The following CLCN6 variants were observed in gnomAD, a reference collection of about 807,000 sequenced individuals.
CLCN6 encodes the protein Cl-/H+ antiporter 6.
In CLCN6, 70 loss-of-function variants were observed where a neutral mutation model predicts 109.8. The ratio of observed to expected loss-of-function variants is 0.64; its 90% CI spans 0.53 to 0.78. CLCN6 has a LOEUF of 0.78. CLCN6 is among the 30% of genes least tolerant of loss of function. The pLI is 0.00. For synonymous variants in CLCN6, 444 were observed against 447.8 expected, an observed-to-expected ratio of 0.99 and a Z score of 0.11; for missense variants, 984 against 1,142.3, an observed-to-expected ratio of 0.86 and a Z score of 2.00.
intron 22 of CLCN6, among the ~76,000 whole-genome samples, chr1:11,839,474 C>G (rs550419933): frequency 6.6e-6 from 1 of 152,216 alleles, no homozygotes; most frequent in African/African-American, 2.4e-5. Flanking sequence ...GTTGCCCAGG[C>G]TGGTCTTGAA....
intron 11 of CLCN6, 47 bp downstream of exon 11, chr1:11,828,266 A>G (rs750073103): frequency 1.5e-5 from 23 of 1,554,292 alleles, no homozygotes; most frequent in Non-Finnish European, 2.0e-5. Context: ...ACCCATGAAA[A>G]TTTCCTCTCA....
At chr1:11,809,712 C>G (rs1361876260) in intron 2 of CLCN6, among the ~76,000 whole-genome samples, 1 of 152,188 alleles carries the variant, frequency 6.6e-6, no homozygotes, top group African/African-American at 2.4e-5. Flanking sequence ...CCCACCTCAG[C>G]CTCCCAAAGT....
rs770186709 is a variant in CLCN6 at position 11,826,175 on chromosome 1, G to A, written c.668G>A (p.Arg223Gln). Residue 223 changes from arginine to glutamine, a missense_variant, in exon 9 of 23, where the codon CGG becomes CAG. By Grantham distance (43) the Arg-to-Gln change is conservative (BLOSUM62 1). Coordinates refer to ENST00000346436, the MANE Select transcript of CLCN6 (RefSeq NM_001286.5). Reference sequence around the variant, plus strand: ...CTTTAGTTTCAGAGCATCTCCTTACGGAAGATCCAGTTTAACTTCCCCTAT... The same window carrying A: ...CTTTAGTTTCAGAGCATCTCCTTACAGAAGATCCAGTTTAACTTCCCCTAT... ...GLPQFQSISL[R>Q]KIQFNFPYFR... 57 of 1,613,600 alleles carry A rather than the reference G, an allele frequency of 3.5e-5. 1 individual carries two copies. Among genetic ancestry groups the A allele is most frequent in the East Asian group, 3.1e-4 (14 of 44,882 alleles).
Position 11,837,163 on chromosome 1 carries a change from G to A in CLCN6, c.2138+7G>A, listed in dbSNP as rs142864983. On this transcript the variant is annotated splice_region_variant and intron_variant, in intron 19 of 22. Coordinates refer to ENST00000346436, the MANE Select transcript of CLCN6 (RefSeq NM_001286.5). ...AGCAGATGCTGGAAAGGAGGTGAGA[G>A]CCTGGCGGGGCCCCCACTGCCCGCA... 17,820 of 1,611,204 alleles carry A rather than the reference G, an allele frequency of 0.011. 139 individuals are homozygous for A. The highest frequency in any genetic ancestry group is 0.035 in the Admixed American group (2,107 of 59,808).
intron 8 of CLCN6, among the ~76,000 whole-genome samples, chr1:11,825,892 G>A (rs1570529709): frequency 6.6e-6 from 1 of 152,184 alleles, no homozygotes; most frequent in African/African-American, 2.4e-5. Context: ...TCCCAAAGTG[G>A]TGGGATTACA....
chr1:11,819,566 A>C lies in CLCN6; in HGVS notation c.346+12A>C, dbSNP rs1252876263. The C allele has an allele frequency of 1.9e-6, 3 of 1,613,542 alleles. No individual in the cohort carries two copies. In the Admixed American group the frequency reaches 5.0e-5, roughly 27 times the overall value. ...AGTGGTACAGACATGTATCCTTTTC[A>C]CGGTTCCTGGTGTTCGTGGACTTCA... On this transcript the variant is annotated intron_variant, in intron 5 of 22. Coordinates refer to ENST00000346436, the MANE Select transcript of CLCN6 (RefSeq NM_001286.5).
rs377577098 is a variant in CLCN6, at chr1:11,838,431, C to T, written c.2392C>T (p.Arg798Cys). 2.2e-5 allele frequency: 35 copies of T among 1,614,034 alleles called. No individual in the cohort carries two copies. The highest frequency in any genetic ancestry group is 2.3e-5 in the Non-Finnish European group (27 of 1,180,046). Residue 798 changes from arginine to cysteine, a missense_variant, in exon 21 of 23, where the codon CGC becomes TGC. Physicochemically the swap from Arg to Cys is radical, Grantham distance 180 (BLOSUM62 -3). Transcript: ENST00000346436. ...HDLDLTLLNP[R>C]MIVDVTPYMN... ...CCTGGACCTGACGCTGCTCAACCCGCGCATGATCGTGGTGAGAAGGGCTGC... is the reference window on the plus strand; with the variant it reads ...CCTGGACCTGACGCTGCTCAACCCGTGCATGATCGTGGTGAGAAGGGCTGC...
intron 10 of CLCN6, 125 bp downstream of exon 10, chr1:11,827,346 C>G (rs1448153135): frequency 6.2e-6 from 6 of 971,154 alleles, no homozygotes; most frequent in Non-Finnish European, 8.8e-6. Flanking sequence ...AAACAGCTTT[C>G]CTCTTGTGCC....
chr1:11,838,633 C>G lies in CLCN6; in HGVS notation c.2502C>G (p.His834Gln). Reference protein sequence around the residue: ...FNLFRTMGLRHLPVVNAVGEI... With the variant: ...FNLFRTMGLRQLPVVNAVGEI... ...TGTTCAGAACGATGGGCCTGCGCCA[C>G]CTGCCCGTGGTGAACGCTGTGGGAG... The change falls in exon 22 of 23, where the codon CAC (histidine) becomes CAG (glutamine). Residue 834 changes from histidine (H) to glutamine (Q), a missense_variant. Coordinates refer to ENST00000346436, the MANE Select transcript of CLCN6 (RefSeq NM_001286.5). The G allele has an allele frequency of 6.2e-7, 1 of 1,614,252 alleles. No homozygotes were observed. The highest frequency in any genetic ancestry group is 8.5e-7 in the Non-Finnish European group (1 of 1,180,042).
intron 1 of CLCN6, 46 bp downstream of exon 1, chr1:11,806,395 G>T: frequency 6.9e-7 from 1 of 1,453,916 alleles, no homozygotes. Context: ...GGTTGCTAAG[G>T]GACTGAGAGA....
chr1:11,834,327 C>G lies in CLCN6; in HGVS notation c.1618C>G (p.Leu540Val). Reference protein sequence around the residue: ...LGGVVRMTISLTVILIESTNE... With the variant: ...LGGVVRMTISVTVILIESTNE... ...CGGGGTGGTCCGCATGACCATCAGC[C>G]TCACGGTCATCCTGATCGAGTCCAC... Residue 540 changes from leucine to valine, a missense_variant, in exon 16 of 23, where the codon CTC becomes GTC. Coordinates refer to ENST00000346436, the MANE Select transcript of CLCN6 (RefSeq NM_001286.5). This position sits in a 1 kb window ranked among gnomAD's most constrained non-coding sequence, Gnocchi z 4.5. The G allele has an allele frequency of 6.2e-7, 1 of 1,614,150 alleles. No individual in the cohort carries two copies. Among genetic ancestry groups the G allele is most frequent in the South Asian group, 1.1e-5 (1 of 91,080 alleles).
chr1:11,816,629 T>C lies in CLCN6; in HGVS notation c.228T>C (p.Tyr76=), dbSNP rs200545314. The stretch of plus-strand genomic sequence containing the variant: ...TGTGTGAACAGAAAGGTCGAAGATA[T>C]GAGGCGGTGAAGTGGATGGTGGTGT... The part of the protein sequence containing the change: ...ETMDNKKGRR[Y]EAVKWMVVFA... The change falls in exon 4 of 23, where the codon TAT becomes TAC. Residue 76 remains tyrosine (Y), a synonymous_variant. Transcript: ENST00000346436. 431 of 1,613,174 alleles carry C rather than the reference T, an allele frequency of 2.7e-4. 3 individuals carry two copies. In the Middle Eastern group the frequency reaches 4.0e-3, roughly 15 times the overall value.
Position 11,819,512 on chromosome 1 carries a change from G to A in CLCN6, c.304G>A (p.Val102Met), listed in dbSNP as rs1349586920. The A allele has an allele frequency of 3.7e-6, 6 of 1,614,054 alleles. No homozygotes were observed. Among genetic ancestry groups the A allele is most frequent in the South Asian group, 1.1e-5 (1 of 91,090 alleles). ...GLVGLFVDFF[V>M]RLFTQLKFGV... ...GGTGGGTCTCTTTGTGGACTTTTTT[G>A]TGCGACTCTTCACCCAACTCAAGTT... Residue 102 changes from valine to methionine, a missense_variant, in exon 5 of 23, where the codon GTG (valine) becomes ATG (methionine). Coordinates refer to ENST00000346436, the MANE Select transcript of CLCN6 (RefSeq NM_001286.5).
At chr1:11,827,570 G>A (rs1644829793) in intron 10 of CLCN6, among the ~76,000 whole-genome samples, 1 of 150,966 alleles carries the variant, frequency 6.6e-6, no homozygotes, top group African/African-American at 2.4e-5. Context: ...TGAGTAGCTG[G>A]GATTATAGGC....
chr1:11,839,070 TTTC>T (rs1160761307), intron 22 of CLCN6: 13 of 594,320 alleles, frequency 2.2e-5, no homozygotes, highest in Admixed American at 3.0e-5. Flanking sequence ...ACTTTCCTTT[TTTC>T]TTCTTTTTAG....
At chr1:11,823,074 T>C (rs1644766308) in intron 6 of CLCN6, among the ~76,000 whole-genome samples, 1 of 152,214 alleles carries the variant, frequency 6.6e-6, no homozygotes, top group African/African-American at 2.4e-5. Context: ...CCATGCGCAC[T>C]ACCTGGGTGA....
At position 11,837,328 on chromosome 1, in the gene CLCN6, G is replaced by T. The variant is rs1329289173; in HGVS notation, c.2139-15G>T. ...CTGAGGGTATCCCAGGCAGCATCTGGTTTTTGTGTAACAGATACACTCCCT... is the reference window on the plus strand; with the variant it reads ...CTGAGGGTATCCCAGGCAGCATCTGTTTTTTGTGTAACAGATACACTCCCT... On this transcript the variant is annotated splice_polypyrimidine_tract_variant and intron_variant, in intron 19 of 22. Coordinates refer to ENST00000346436, the MANE Select transcript of CLCN6 (RefSeq NM_001286.5). 3 of 1,602,578 alleles carry T rather than the reference G, an allele frequency of 1.9e-6. No individual in the cohort carries two copies. The highest frequency in any genetic ancestry group is 2.6e-6 in the Non-Finnish European group (3 of 1,170,548).
rs965125460 is a variant in CLCN6, at chr1:11,840,276, T to G, written c.*53T>G. ...GCCTGGGGAGGCAAATCATGCTCAC[T>G]CCGGCGGGCACAGCTGGCTGGGGCT... is the stretch of plus-strand genomic sequence containing the variant. On this transcript the variant is annotated 3_prime_UTR_variant, in exon 23 of 23. Transcript: ENST00000346436. 4.3e-5 allele frequency: 64 copies of G among 1,478,092 alleles called. No homozygotes were observed. The highest frequency in any genetic ancestry group is 4.2e-4 in the South Asian group (37 of 88,602). The allele number at this position is 1,478,092 out of a possible 1,614,324, so 91.6% of individuals were successfully genotyped here.
chr1:11,828,775 T>C, intron 12 of CLCN6, 151 bp downstream of exon 12: 2 of 882,484 alleles, frequency 2.3e-6, no homozygotes, highest in South Asian at 1.7e-5. Context: ...GCATCTTCCC[T>C]ACTTGACAGG....
Sources: gnomAD v4.1 joint callset for allele counts (sites outside exome capture counted in the v4.1 genomes callset) on GRCh38, gnomAD v4.1.1 for gene constraint, Gnocchi (gnomAD v3.1) non-coding constraint, MANE v1.5 for transcripts, NCBI Gene and HGNC (gene_info 2026-07-23, HGNC 2026-07-21) for gene names.